Variants in ROBO2 observed in about 807,000 individuals in gnomAD.
ROBO2 encodes the protein roundabout homolog 2.
In ROBO2, 53 loss-of-function variants were observed where a neutral mutation model predicts 160.8. That is an observed-to-expected ratio of 0.33 (90% CI 0.26 to 0.41). ROBO2 has a LOEUF of 0.41. Ranked by LOEUF, ROBO2 falls within the 10% of genes least tolerant of loss-of-function variation. The pLI, the probability that ROBO2 is intolerant of heterozygous loss-of-function variation, is 1.00. For synonymous variants in ROBO2, 664 were observed against 611.7 expected (o/e 1.09, Z -1.26); for missense variants, 1,577 against 1,722.4 (o/e 0.92, Z 1.49).
Position 76,283,153 on chromosome 3 carries a change from A to ATATATATATATATATATATATATAT in ROBO2, c.109+345551_109+345552insTATATATATATATATATATATATAT, listed in dbSNP as rs1559717396. 3.4e-3 allele frequency among the ~76,000 whole-genome samples: 41 copies of ATATATATATATATATATATATATAT among 12,050 alleles called. 1 individual carries two copies. Among genetic ancestry groups the ATATATATATATATATATATATATAT allele is most frequent in the African/African-American group, 4.5e-3 (38 of 8,480 alleles). The allele number at this position is 12,050 out of a possible 152,430, so 7.9% of individuals were successfully genotyped here. On this transcript the variant is annotated intron_variant, in intron 2 of 26. Transcript: ENST00000487694. ...ATAAAACTGTATATATATATATATA[A>ATATATATATATATATATATATATAT]AACTACATATATATAGTGACCCCTG...
intron 2 of ROBO2, among the ~76,000 whole-genome samples, chr3:77,396,039 T>C (rs1232458600): frequency 3.3e-5 from 5 of 151,602 alleles, no homozygotes; most frequent in Non-Finnish European, 7.4e-5. Flanking sequence ...TATTTTCAAA[T>C]GAGTTTTTAA....
intron 2 of ROBO2, among the ~76,000 whole-genome samples, chr3:77,174,344 C>CAA (rs142122877): frequency 3.2e-4 from 46 of 143,204 alleles, no homozygotes; most frequent in African/African-American, 8.9e-4. Flanking sequence ...ATCACTCATG[C>CAA]AAAAAAAAAA....
At chr3:76,924,946 C>T (rs1337312093) in intron 2 of ROBO2, among the ~76,000 whole-genome samples, 1 of 152,056 alleles carries the variant, frequency 6.6e-6, no homozygotes, top group Non-Finnish European at 1.5e-5. Context: ...CGGTGGCTCA[C>T]GCCTGTAATC....
exon 1 of ROBO2, chr3:77,040,217 C>T (rs765784200): frequency 4.1e-6 from 4 of 986,460 alleles, no homozygotes; most frequent in East Asian, 1.1e-4. Flanking sequence ...CAAGTCTGCC[C>T]GCCTGCAAAG....
intron 8 of ROBO2, among the ~76,000 whole-genome samples, chr3:77,554,799 T>G (rs1281812561): frequency 1.3e-5 from 2 of 152,064 alleles, no homozygotes; most frequent in Admixed American, 6.6e-5. Context: ...AATCTACTTC[T>G]ATTCAAGATT....
intron 1 of ROBO2, among the ~76,000 whole-genome samples, chr3:77,078,147 A>G (rs1276665470): frequency 6.6e-6 from 1 of 152,162 alleles, no homozygotes; most frequent in African/African-American, 2.4e-5. Context: ...AAATAATTAT[A>G]TTATTACAAC....
chr3:77,224,785 G>A (rs904520174), intron 2 of ROBO2, among the ~76,000 whole-genome samples: 1 of 151,742 alleles, frequency 6.6e-6, no homozygotes, highest in Non-Finnish European at 1.5e-5. Context: ...AATCTTGATA[G>A]TTTGAATTTC....
intron 2 of ROBO2, among the ~76,000 whole-genome samples, chr3:77,424,322 G>A (rs943712010): frequency 5.3e-5 from 8 of 152,250 alleles, no homozygotes; most frequent in African/African-American, 1.9e-4. Flanking sequence ...ATTGACAGAG[G>A]AAGACCTAAA....
chr3:76,884,902 C>T (rs1577246624), intron 2 of ROBO2, among the ~76,000 whole-genome samples: 1 of 151,946 alleles, frequency 6.6e-6, no homozygotes, highest in South Asian at 2.1e-4. Flanking sequence ...AAGTTTCCTG[C>T]CAATAGCTTA....
At chr3:77,479,135 G>A (rs1402152224) in intron 3 of ROBO2, among the ~76,000 whole-genome samples, 1 of 152,158 alleles carries the variant, frequency 6.6e-6, no homozygotes, top group Non-Finnish European at 1.5e-5. Context: ...CCAACAAATA[G>A]ACAAAGTTCC....
At chr3:76,259,945 G>A (rs1056481669) in intron 2 of ROBO2, among the ~76,000 whole-genome samples, 1 of 152,116 alleles carries the variant, frequency 6.6e-6, no homozygotes, top group South Asian at 2.1e-4. Context: ...CATAAGCAGG[G>A]TAAAACCTAG....
chr3:76,810,567 G>A (rs1369741168), intron 2 of ROBO2, among the ~76,000 whole-genome samples: 1 of 152,098 alleles, frequency 6.6e-6, no homozygotes, highest in East Asian at 1.9e-4. Context: ...GAAGACACCA[G>A]CTAGGAGATA....
intron 2 of ROBO2, among the ~76,000 whole-genome samples, chr3:77,344,991 G>T (rs1325506759): frequency 6.6e-6 from 1 of 151,922 alleles, no homozygotes; most frequent in Non-Finnish European, 1.5e-5. Context: ...CCAAAGCTTA[G>T]AGGCTCAAAA....
Position 76,396,512 on chromosome 3 carries a change from G to A in ROBO2, c.109+458910G>A, listed in dbSNP as rs146288979. Among the ~76,000 whole-genome samples, 662 of 151,914 alleles carry A rather than the reference G, an allele frequency of 4.4e-3. 5 individuals carry two copies. Among genetic ancestry groups the A allele is most frequent in the African/African-American group, 0.014 (582 of 41,428 alleles). ...AGAAGGAAATAAAGGGTATTCAATT[G>A]GGAAAAGAGGAAGTCAAATTGTCCC... is the stretch of plus-strand genomic sequence containing the variant. On this transcript the variant is annotated intron_variant, in intron 2 of 26. Coordinates refer to the ROBO2 transcript ENST00000487694.
At chr3:76,114,836 C>G (rs2070388879) in intron 2 of ROBO2, among the ~76,000 whole-genome samples, 1 of 152,102 alleles carries the variant, frequency 6.6e-6, no homozygotes, top group South Asian at 2.1e-4. Flanking sequence ...ACTGCAGATA[C>G]TGAAGTATCA....
intron 2 of ROBO2, among the ~76,000 whole-genome samples, chr3:77,185,398 A>G (rs761473310): frequency 9.9e-5 from 15 of 151,988 alleles, no homozygotes; most frequent in Non-Finnish European, 2.2e-4. Context: ...ACGGAAGCAT[A>G]GAAGGAAAGA....
chr3:76,893,834 C>A (rs1284520704), intron 2 of ROBO2, among the ~76,000 whole-genome samples: 1 of 152,114 alleles, frequency 6.6e-6, no homozygotes, highest in Non-Finnish European at 1.5e-5. Context: ...CACCGACCCA[C>A]CCTTCTCAGC....
At chr3:77,387,379 A>G (rs2074245630) in intron 2 of ROBO2, among the ~76,000 whole-genome samples, 1 of 151,904 alleles carries the variant, frequency 6.6e-6, no homozygotes, top group South Asian at 2.1e-4. Flanking sequence ...AAAGAGAAGA[A>G]AAAAAGAACA....
chr3:77,239,351 C>T (rs62249666), intron 2 of ROBO2, among the ~76,000 whole-genome samples: 4,154 of 152,022 alleles, frequency 0.027, 63 homozygotes, highest in Middle Eastern at 0.054. Flanking sequence ...TCATTCCTCC[C>T]GGTGGGCTTG....
Sources: allele counts gnomAD v4.1 joint callset (sites outside exome capture counted in the v4.1 genomes callset), GRCh38; gene constraint gnomAD v4.1.1; transcripts MANE v1.5; gene names NCBI Gene and HGNC (gene_info 2026-07-23, HGNC 2026-07-21).